The following KNTC1 variants were observed in gnomAD, a reference collection of about 807,000 sequenced individuals.
KNTC1 encodes the protein kinetochore-associated protein 1.
A neutral mutation model predicts 314.4 loss-of-function variants in KNTC1; 253 were observed. That is an observed-to-expected ratio of 0.80 (90% confidence interval 0.73 to 0.89). The LOEUF is 0.89. Among genes scored for constraint, KNTC1 ranks in the 40% least tolerant of loss-of-function variants. The pLI, the probability that KNTC1 is intolerant of heterozygous loss-of-function variation, is 0.00. For synonymous variants in KNTC1, 901 were observed against 901.4 expected, an observed-to-expected ratio of 1.00 and a Z score of 0.01; for missense variants, 2,475 against 2,572.9, an observed-to-expected ratio of 0.96 and a Z score of 0.82.
At chr12:122,566,213 T>C (rs971070921) in intron 20 of KNTC1, among the ~76,000 whole-genome samples, 11 of 151,806 alleles carry the variant, frequency 7.2e-5, no homozygotes, top group African/African-American at 1.5e-4. Flanking sequence ...AGTGCTGGGA[T>C]TACAAGCGTG....
At chr12:122,620,168 C>CAAAAA in intron 59 of KNTC1, 1 of 96,458 alleles carries the variant, frequency 1.0e-5, no homozygotes, top group Non-Finnish European at 2.4e-5. Flanking sequence ...GACTGTTTCT[C>CAAAAA]AAAAAAAAAA....
At position 122,613,112 on chromosome 12, in the gene KNTC1, A is replaced by T; in HGVS notation, c.5623A>T (p.Thr1875Ser). Residue 1875 changes from threonine to serine, a missense_variant and splice_region_variant, in exon 54 of 64, where the codon ACA becomes TCA. Transcript: ENST00000333479. ...CTCCAAACCTCTTTTGGTTTTTCAG[A>T]CATTAGGTATGCATCAGTTAACTTT... is the stretch of plus-strand genomic sequence containing the variant. ...LFVFATSTTTTLGMHQLTFAH... is the reference protein window; with the variant it reads ...LFVFATSTTTSLGMHQLTFAH... 1.3e-6 allele frequency: 2 copies of T among 1,593,854 alleles called. No homozygotes were observed. Among genetic ancestry groups the T allele is most frequent in the Non-Finnish European group, 1.7e-6 (2 of 1,164,024 alleles).
At chr12:122,615,628 A>G in intron 57 of KNTC1, 102 bp downstream of exon 57, 2 of 1,147,438 alleles carry the variant, frequency 1.7e-6, no homozygotes, top group South Asian at 1.6e-5. Context: ...TCCTTCTTAA[A>G]TAACAGAACT....
At position 122,622,087 on chromosome 12, in the gene KNTC1, G is replaced by T; in HGVS notation, c.6369+117G>T. The stretch of plus-strand genomic sequence containing the variant: ...ATGTCTAGCTGTTTGTTTATGTATA[G>T]AATTATTTTGCTTTTACTAAAACCT... On this transcript the variant is annotated intron_variant, in intron 61 of 63. Coordinates refer to ENST00000333479, the MANE Select transcript of KNTC1 (RefSeq NM_014708.6). 8.9e-6 allele frequency: 7 copies of T among 783,194 alleles called. No homozygotes were observed. In the South Asian group the frequency reaches 1.2e-4, roughly 13 times the overall value. The allele number at this position is 783,194 out of a possible 1,614,324, so 48.5% of individuals were successfully genotyped here.
At chr12:122,580,082 T>C in intron 32 of KNTC1, 105 bp downstream of exon 32, 1 of 717,976 alleles carries the variant, frequency 1.4e-6, no homozygotes, top group South Asian at 1.8e-5. Context: ...TTTTTCTGGT[T>C]CTGATTGTCT....
At chr12:122,543,355 T>C (rs1298538364) in intron 6 of KNTC1, among the ~76,000 whole-genome samples, 1 of 151,770 alleles carries the variant, frequency 6.6e-6, no homozygotes, top group East Asian at 1.9e-4. Context: ...CACAGGAGAG[T>C]TGGAGTAGGG....
At chr12:122,547,816 T>C (rs887023561) in intron 11 of KNTC1, 99 bp from the exon 12 acceptor site, 4 of 685,248 alleles carry the variant, frequency 5.8e-6, no homozygotes, top group Non-Finnish European at 9.5e-6. Context: ...TTATATCTTG[T>C]AATTGGCAAA....
intron 1 of KNTC1, among the ~76,000 whole-genome samples, chr12:122,529,643 TAAAGGTTTATTTCTAATG>T (rs1170765715): frequency 2.6e-5 from 4 of 152,230 alleles, no homozygotes; most frequent in East Asian, 1.9e-4. Context: ...TTGCTGCTAT[TAAAGGTTTATTTCTAATG>T]AAAGGTTTAT....
chr12:122,546,887 C>T (rs1962811333), intron 10 of KNTC1, among the ~76,000 whole-genome samples: 1 of 148,950 alleles, frequency 6.7e-6, no homozygotes, highest in African/African-American at 2.5e-5. Flanking sequence ...GGCTGGAGTG[C>T]AATGGTGCGA....
intron 33 of KNTC1, 143 bp downstream of exon 33, chr12:122,580,813 G>A: frequency 2.0e-6 from 1 of 503,804 alleles, no homozygotes; most frequent in South Asian, 2.7e-5. Flanking sequence ...TGGATCACAA[G>A]GTCAGGAGAT....
At chr12:122,607,084 C>G (rs1380696249) in intron 51 of KNTC1, among the ~76,000 whole-genome samples, 1 of 152,004 alleles carries the variant, frequency 6.6e-6, no homozygotes, top group Non-Finnish European at 1.5e-5. Context: ...GTTTTTTTGA[C>G]ACAGAGTCTG....
intron 44 of KNTC1, among the ~76,000 whole-genome samples, chr12:122,599,038 A>G (rs1871455620): frequency 1.3e-5 from 2 of 151,992 alleles, no homozygotes; most frequent in Non-Finnish European, 2.9e-5. Flanking sequence ...GATGAATCTC[A>G]CTGTGTTGTC....
At chr12:122,546,339 G>A (rs1962761890) in intron 9 of KNTC1, 70 bp downstream of exon 9, 1 of 925,142 alleles carries the variant, frequency 1.1e-6, no homozygotes, top group Non-Finnish European at 1.7e-6. Flanking sequence ...AGTGTACTTA[G>A]ACTGACATAT....
intron 53 of KNTC1, chr12:122,611,683 T>C (rs895039712): frequency 2.0e-5 from 3 of 152,216 alleles, no homozygotes; most frequent in African/African-American, 7.2e-5. Context: ...AATCTTTCCG[T>C]ATCTGTGGGA....
chr12:122,604,291 C>T (rs1317159213), intron 48 of KNTC1, among the ~76,000 whole-genome samples: 3 of 150,360 alleles, frequency 2.0e-5, no homozygotes, highest in Non-Finnish European at 3.0e-5. Context: ...GGACTACAGG[C>T]ATGTGCCACC....
Position 122,622,551 on chromosome 12 carries a change from T to C in KNTC1, c.6459T>C (p.His2153=). The change falls in exon 62 of 64, where the codon CAT becomes CAC. Residue 2153 remains histidine, a synonymous_variant. Coordinates refer to ENST00000333479, the MANE Select transcript of KNTC1 (RefSeq NM_014708.6). The part of the protein sequence containing the change: ...KTKYFQMLKM[H]AMNTNNITEL... ...AATACTTTCAAATGTTGAAGATGCA[T>C]GCGATGAATACCAACAATATCACTG... 1.3e-6 allele frequency: 2 copies of C among 1,573,868 alleles called. No individual in the cohort carries two copies. Among genetic ancestry groups the C allele is most frequent in the Middle Eastern group, 1.7e-4 (1 of 6,018 alleles).
intron 43 of KNTC1, among the ~76,000 whole-genome samples, chr12:122,594,932 G>A (rs968204258): frequency 2.6e-5 from 4 of 152,000 alleles, no homozygotes; most frequent in African/African-American, 9.7e-5. Flanking sequence ...ACCCAGGCTG[G>A]AGTGCAGTGG....
intron 42 of KNTC1, 85 bp from the exon 43 acceptor site, chr12:122,594,189 AAG>A: frequency 2.7e-6 from 2 of 748,614 alleles, no homozygotes; most frequent in South Asian, 1.6e-5. Context: ...AAAGGATACT[AAG>A]AAGGCAAGTC....
intron 39 of KNTC1, 148 bp from the exon 40 acceptor site, chr12:122,588,564 C>T: frequency 1.7e-6 from 1 of 574,350 alleles, no homozygotes; most frequent in Non-Finnish European, 2.9e-6. Flanking sequence ...CCCAGTCAGT[C>T]CCCCACCCCT....
Sources: allele counts gnomAD v4.1 joint callset (sites outside exome capture counted in the v4.1 genomes callset), GRCh38; gene constraint gnomAD v4.1.1; transcripts MANE v1.5; gene names NCBI Gene and HGNC (gene_info 2026-07-23, HGNC 2026-07-21).